The following PTK2B variants were observed in gnomAD, a reference collection of about 807,000 sequenced individuals.
The protein encoded by PTK2B is protein tyrosine kinase 2 beta, also known as protein-tyrosine kinase 2-beta.
PTK2B carries 71 observed loss-of-function variants against 142.9 expected under a neutral mutation model. The observed-to-expected ratio is 0.50, with a 90% CI of 0.41 to 0.61. The LOEUF (loss-of-function observed/expected upper bound fraction) is 0.61, where lower values mean the gene tolerates loss of function less well. PTK2B is among the 20% of genes least tolerant of loss of function. PTK2B has a pLI of 0.00. For missense variants in PTK2B, 1,105 were observed against 1,320.4 expected (o/e 0.84, Z 2.53); for synonymous variants, 519 against 503.4 (o/e 1.03, Z -0.42).
At chr8:27,390,761 T>G (rs1489392554) in intron 1 of PTK2B, among the ~76,000 whole-genome samples, 1 of 152,228 alleles carries the variant, frequency 6.6e-6, no homozygotes, top group African/African-American at 2.4e-5. Flanking sequence ...CCAAGGAGTT[T>G]GCAGAAGTAA....
At chr8:27,454,052 G>T (rs1024390355) in intron 28 of PTK2B, 102 bp from the exon 29 acceptor site, 3 of 1,470,914 alleles carry the variant, frequency 2.0e-6, no homozygotes, top group African/African-American at 2.8e-5. Flanking sequence ...CTTTCCAATC[G>T]GGCTGGTGGT....
At chr8:27,377,415 G>A (rs1046733419) in intron 1 of PTK2B, among the ~76,000 whole-genome samples, 2 of 152,198 alleles carry the variant, frequency 1.3e-5, no homozygotes, top group East Asian at 3.8e-4. Flanking sequence ...GATTCAGGGA[G>A]GTAACAGGAT....
chr8:27,326,287 T>A (rs1334775411), intron 1 of PTK2B, among the ~76,000 whole-genome samples: 1 of 151,740 alleles, frequency 6.6e-6, no homozygotes, highest in African/African-American at 2.4e-5. Flanking sequence ...TTCTGGTATC[T>A]TGAGAAGCCG....
chr8:27,381,382 ACTT>A (rs1807010351), intron 1 of PTK2B, among the ~76,000 whole-genome samples: 1 of 152,080 alleles, frequency 6.6e-6, no homozygotes, highest in South Asian at 2.1e-4. Flanking sequence ...GATTCTGTCT[ACTT>A]CTGTGAGCTC....
In PTK2B at chr8:27,434,521, A is replaced by C. The variant is rs1563285064; in HGVS notation, c.1154A>C (p.Glu385Ala). ...SLPQIPMLNL[E>A]ARRSHLSESC... ...TCTCTCACCTCCTACAGAAACCTGG[A>C]GGCCCGGCGGTCCCACCTCTCAGAG... Residue 385 changes from glutamate (E) to alanine (A), a missense_variant, in exon 13 of 31, where the codon GAG (glutamate) becomes GCG (alanine). Glu to Ala is a moderately radical substitution (Grantham distance 107). Transcript: ENST00000346049. 1.9e-6 allele frequency: 3 copies of C among 1,609,332 alleles called. No homozygotes were observed. The highest frequency in any genetic ancestry group is 4.5e-5 in the East Asian group (2 of 44,748).
intron 1 of PTK2B, among the ~76,000 whole-genome samples, chr8:27,388,354 G>A (rs1333192766): frequency 1.3e-5 from 2 of 152,206 alleles, no homozygotes; most frequent in Non-Finnish European, 2.9e-5. Flanking sequence ...TTGGTTTGGG[G>A]TTAAAGATGA....
chr8:27,347,817 A>G (rs1415412809), intron 1 of PTK2B, among the ~76,000 whole-genome samples: 2 of 152,234 alleles, frequency 1.3e-5, no homozygotes, highest in Admixed American at 6.5e-5. Flanking sequence ...GACTTTACCT[A>G]GTCTCTGCAA....
intron 1 of PTK2B, among the ~76,000 whole-genome samples, chr8:27,333,321 A>G (rs1326808075): frequency 6.6e-6 from 1 of 152,338 alleles, no homozygotes; most frequent in South Asian, 2.1e-4. Context: ...GAAGTCCCAG[A>G]CAGCCATGGG....
Position 27,405,171 on chromosome 8 carries a change from G to C in PTK2B, c.204+7383G>C, listed in dbSNP as rs186730015. Among the ~76,000 whole-genome samples, 43 of 152,216 alleles carry C rather than the reference G, an allele frequency of 2.8e-4. 1 individual carries two copies. The East Asian group carries it at 8.1e-3, about 29-fold the overall frequency. Reference sequence around the variant, plus strand: ...CCTTGATCTTAGACTCCCAGCTCTAGAGCTGTTTAGAAATAAATGCTTCTT... The same window carrying C: ...CCTTGATCTTAGACTCCCAGCTCTACAGCTGTTTAGAAATAAATGCTTCTT... On this transcript the variant is annotated intron_variant, in intron 2 of 30. Coordinates refer to ENST00000346049, the MANE Select transcript of PTK2B (RefSeq NM_173176.3).
chr8:27,321,908 A>G (rs1231402241), upstream of PTK2B, among the ~76,000 whole-genome samples: 2 of 150,820 alleles, frequency 1.3e-5, no homozygotes, highest in Non-Finnish European at 1.5e-5. Flanking sequence ...CTTCGTAAAC[A>G]TAGTGATGTC....
At chr8:27,346,594 T>C (rs1010207632) in intron 1 of PTK2B, among the ~76,000 whole-genome samples, 3 of 152,202 alleles carry the variant, frequency 2.0e-5, no homozygotes, top group Non-Finnish European at 4.4e-5. Context: ...CTGTGAGTGA[T>C]GGAGGAAGTG....
intron 24 of PTK2B, among the ~76,000 whole-genome samples, chr8:27,446,811 C>T (rs1192666545): frequency 2.0e-5 from 3 of 152,148 alleles, no homozygotes; most frequent in Non-Finnish European, 4.4e-5. Context: ...TACTTTCATG[C>T]CATTATGCTT....
At chr8:27,401,290 C>G (rs985255819) in intron 2 of PTK2B, among the ~76,000 whole-genome samples, 3 of 152,144 alleles carry the variant, frequency 2.0e-5, no homozygotes, top group African/African-American at 7.2e-5. Flanking sequence ...AGAACAGAAT[C>G]TGAGGAGCCC....
rs75465026 is a variant in PTK2B, at chr8:27,416,723, C to T, written c.205-3172C>T. Among the ~76,000 whole-genome samples the T allele has an allele frequency of 7.7e-4, 117 of 152,262 alleles. 1 individual carries two copies. In the East Asian group the frequency reaches 0.019, roughly 25 times the overall value. On this transcript the variant is annotated intron_variant, in intron 2 of 30. Transcript: ENST00000346049. ...TTCATAAAATACATCATACAAAATA[C>T]TTTTACCTAGAATGTATAAAAGCCT...
At chr8:27,331,375 TG>T (rs1803738982) in intron 1 of PTK2B, among the ~76,000 whole-genome samples, 1 of 152,178 alleles carries the variant, frequency 6.6e-6, no homozygotes, top group Admixed American at 6.5e-5. Flanking sequence ...TTTGCTCTTC[TG>T]GGGGTTCCCT....
chr8:27,326,358 C>A (rs1238448678), intron 1 of PTK2B, among the ~76,000 whole-genome samples: 1 of 152,090 alleles, frequency 6.6e-6, no homozygotes, highest in African/African-American at 2.4e-5. Context: ...TCAGGCTGCG[C>A]GTGGGCACCG....
rs200137260 is a variant in PTK2B, at chr8:27,419,879, C to A, written c.205-16C>A. ...GTGGGCACCCCTGAGTCATGCCTCT[C>A]TCTTCTCCTCTGCAGGAGATCATCA... On this transcript the variant is annotated splice_polypyrimidine_tract_variant and intron_variant, in intron 2 of 30. Coordinates refer to ENST00000346049, the MANE Select transcript of PTK2B (RefSeq NM_173176.3). 3 of 1,613,774 alleles carry A rather than the reference C, an allele frequency of 1.9e-6. No individual in the cohort carries two copies. In the East Asian group the frequency reaches 6.7e-5, roughly 36 times the overall value.
chr8:27,357,039 C>T (rs1470030838), intron 1 of PTK2B, among the ~76,000 whole-genome samples: 1 of 151,990 alleles, frequency 6.6e-6, no homozygotes, highest in East Asian at 1.9e-4. Context: ...TACATACATA[C>T]CACACACACC....
intron 13 of PTK2B, 135 bp from the exon 14 acceptor site, chr8:27,435,608 G>A (rs1208879629): frequency 1.9e-6 from 2 of 1,044,514 alleles, no homozygotes; most frequent in Non-Finnish European, 2.9e-6. Context: ...TGGGCTGGGA[G>A]CCCGGGACAT....
Sources: allele counts gnomAD v4.1 joint callset (sites outside exome capture counted in the v4.1 genomes callset), GRCh38; gene constraint gnomAD v4.1.1; transcripts MANE v1.5; gene names NCBI Gene and HGNC (gene_info 2026-07-23, HGNC 2026-07-21).